Variants in NSUN7 observed in about 807,000 individuals in gnomAD.
NSUN7 encodes the protein protein NSUN7.
NSUN7 carries 39 observed loss-of-function variants against 58.5 expected under a neutral mutation model. That is an observed-to-expected ratio of 0.67 (90% CI 0.52 to 0.87). The LOEUF is 0.87. Ranked by LOEUF, NSUN7 falls within the 40% of genes least tolerant of loss-of-function variation. NSUN7 has a pLI of 0.00. For synonymous variants in NSUN7, 278 were observed against 303.7 expected (o/e 0.92, Z 0.88); for missense variants, 765 against 844.1 (o/e 0.91, Z 1.16).
At chr4:40,808,258 C>T in intron 11 of NSUN7, 49 bp from the exon 12 acceptor site, 1 of 1,531,824 alleles carries the variant, frequency 6.5e-7, no homozygotes, top group East Asian at 2.3e-5. Context: ...TTGCGGGAGA[C>T]ACAATAATAG....
chr4:40,753,053 G>T (rs2154286268), intron 2 of NSUN7, among the ~76,000 whole-genome samples: 1 of 152,144 alleles, frequency 6.6e-6, no homozygotes, highest in South Asian at 2.1e-4. Context: ...TGATTAATTG[G>T]CATTTAATGT....
chr4:40,779,619 T>C lies in NSUN7; in HGVS notation c.1036+3360T>C, dbSNP rs1742430199. On this transcript the variant is annotated intron_variant, in intron 7 of 11. Coordinates refer to ENST00000381782, the MANE Select transcript of NSUN7 (RefSeq NM_024677.6). ...ACTGTTTCGAAAAAAACACTCTGTCTCTAAAAAAGTGGAGATGCTGAAAGA... is the reference window on the plus strand; with the variant it reads ...ACTGTTTCGAAAAAAACACTCTGTCCCTAAAAAAGTGGAGATGCTGAAAGA... Among the ~76,000 whole-genome samples, 3 of 152,172 alleles carry C rather than the reference T, an allele frequency of 2.0e-5. No individual in the cohort carries two copies. The East Asian group carries it at 5.8e-4, about 29-fold the overall frequency.
Position 40,751,959 on chromosome 4 carries a change from G to A in NSUN7, c.298+968G>A, listed in dbSNP as rs555449880. ...TGCAGTGAGCCAAGATGGTGTCATT[G>A]CACTCTAACCTGGTGACAGAGCAAG... On this transcript the variant is annotated intron_variant, in intron 2 of 11. Transcript: ENST00000381782. Among the ~76,000 whole-genome samples, 11 of 152,274 alleles carry A rather than the reference G, an allele frequency of 7.2e-5. No individual in the cohort carries two copies. In the East Asian group the frequency reaches 1.9e-3, roughly 27 times the overall value.
At chr4:40,772,347 A>G (rs1157902947) in intron 4 of NSUN7, among the ~76,000 whole-genome samples, 1 of 152,210 alleles carries the variant, frequency 6.6e-6, no homozygotes, top group East Asian at 1.9e-4. Flanking sequence ...CACAATGTAT[A>G]ATATAGAACA....
intron 2 of NSUN7, among the ~76,000 whole-genome samples, chr4:40,754,601 A>C (rs1485363705): frequency 6.6e-6 from 1 of 152,246 alleles, no homozygotes; most frequent in African/African-American, 2.4e-5. Flanking sequence ...TGATTCAGAA[A>C]AGAAAACTCA....
At chr4:40,750,466 T>G (rs1293205916) in intron 1 of NSUN7, 137 bp from the exon 2 acceptor site, 5 of 382,000 alleles carry the variant, frequency 1.3e-5, no homozygotes, top group African/African-American at 2.2e-5. Flanking sequence ...TTTTTGAGCG[T>G]CCCAGGCTCG....
At position 40,803,547 on chromosome 4, in the gene NSUN7, G is replaced by T. The variant is rs144359552; in HGVS notation, c.1401-3514G>T. 7.6e-3 allele frequency among the ~76,000 whole-genome samples: 1,151 copies of T among 152,220 alleles called. 14 individuals are homozygous for T. Among genetic ancestry groups the T allele is most frequent in the African/African-American group, 0.024 (1,012 of 41,548 alleles). ...TTTCTCTGATGGCCAGTGATGATGA[G>T]CTTTTTTTCATGTGTATGTTTATAT... On this transcript the variant is annotated intron_variant, in intron 10 of 11. Transcript: ENST00000381782.
intron 2 of NSUN7, among the ~76,000 whole-genome samples, chr4:40,759,333 T>G (rs377177034): frequency 3.3e-4 from 50 of 152,062 alleles, no homozygotes; most frequent in African/African-American, 1.1e-3. Context: ...ATAAATAAAA[T>G]AAAGCATTTG....
intron 4 of NSUN7, among the ~76,000 whole-genome samples, chr4:40,767,674 C>T (rs1741800633): frequency 6.6e-6 from 1 of 152,022 alleles, no homozygotes; most frequent in Non-Finnish European, 1.5e-5. Flanking sequence ...TTAGCTTGAG[C>T]AAAAATGGAA....
intron 7 of NSUN7, among the ~76,000 whole-genome samples, chr4:40,789,223 C>T (rs184028328): frequency 3.9e-5 from 6 of 152,284 alleles, no homozygotes; most frequent in Admixed American, 3.9e-4. Flanking sequence ...ACATGTTAAA[C>T]TGCATTCTAG....
intron 9 of NSUN7, among the ~76,000 whole-genome samples, chr4:40,795,814 A>C (rs1374006752): frequency 1.3e-5 from 2 of 152,246 alleles, no homozygotes. Flanking sequence ...AACAAATACA[A>C]ATTAAAAATA....
chr4:40,805,078 CCTT>C (rs1224474644), intron 10 of NSUN7, among the ~76,000 whole-genome samples: 2 of 152,156 alleles, frequency 1.3e-5, no homozygotes, highest in Non-Finnish European at 2.9e-5. Flanking sequence ...TCCTCTTGTT[CCTT>C]CTTCTACTGC....
At chr4:40,794,098 T>C (rs2154288813) in intron 8 of NSUN7, among the ~76,000 whole-genome samples, 1 of 152,330 alleles carries the variant, frequency 6.6e-6, no homozygotes, top group Non-Finnish European at 1.5e-5. Context: ...AAATGACTTA[T>C]ATGACTACTT....
chr4:40,787,687 A>G (rs1742894768), intron 7 of NSUN7, among the ~76,000 whole-genome samples: 1 of 152,160 alleles, frequency 6.6e-6, no homozygotes, highest in Non-Finnish European at 1.5e-5. Flanking sequence ...CACAAGACAA[A>G]AAGTTTTTAA....
chr4:40,761,553 T>C (rs1741463896), intron 4 of NSUN7, among the ~76,000 whole-genome samples: 1 of 152,210 alleles, frequency 6.6e-6, no homozygotes, highest in Non-Finnish European at 1.5e-5. Context: ...TTAAAAATTC[T>C]CAATAATTTT....
chr4:40,786,981 A>G (rs950168332), intron 7 of NSUN7, among the ~76,000 whole-genome samples: 1 of 152,134 alleles, frequency 6.6e-6, no homozygotes, highest in Non-Finnish European at 1.5e-5. Context: ...TAAATTGACC[A>G]GAACACAGTT....
chr4:40,768,164 A>G (rs1400387202), intron 4 of NSUN7, among the ~76,000 whole-genome samples: 1 of 151,754 alleles, frequency 6.6e-6, no homozygotes, highest in Non-Finnish European at 1.5e-5. Flanking sequence ...ATACCTTAGC[A>G]TATATCTACT....
chr4:40,756,125 A>G (rs918914450), intron 2 of NSUN7, among the ~76,000 whole-genome samples: 5 of 152,138 alleles, frequency 3.3e-5, no homozygotes, highest in Non-Finnish European at 5.9e-5. Flanking sequence ...AAGATATTCC[A>G]AGAACTTAGA....
At chr4:40,757,902 T>G (rs2437327) in intron 2 of NSUN7, among the ~76,000 whole-genome samples, 11 of 148,496 alleles carry the variant, frequency 7.4e-5, no homozygotes, top group African/African-American at 2.2e-4. Flanking sequence ...CTATTCCTGT[T>G]TTTGTTTGTT....
Sources: gnomAD v4.1 joint callset for allele counts (sites outside exome capture counted in the v4.1 genomes callset) on GRCh38, gnomAD v4.1.1 for gene constraint, MANE v1.5 for transcripts, NCBI Gene and HGNC (gene_info 2026-07-23, HGNC 2026-07-21) for gene names.